Variants in NUAK2 observed in about 807,000 individuals in gnomAD.
NUAK2 encodes the protein NUAK family SNF1-like kinase 2.
Under a neutral mutation model 29.8 loss-of-function variants are expected in NUAK2, and 20 were observed. The ratio of observed to expected loss-of-function variants is 0.67; its 90% CI spans 0.47 to 0.98. The LOEUF is 0.98. Among genes scored for constraint, NUAK2 ranks in the 50% least tolerant of loss-of-function variants. The pLI is 0.00. For missense variants in NUAK2, 719 were observed against 834.5 expected (o/e 0.86, Z 1.71); for synonymous variants, 331 against 342.6 (o/e 0.97, Z 0.37).
intron 2 of NUAK2, among the ~76,000 whole-genome samples, chr1:205,310,876 C>T (rs1185904966): frequency 6.8e-6 from 1 of 147,010 alleles, no homozygotes; most frequent in African/African-American, 2.5e-5. Flanking sequence ...AAGGCTCTAC[C>T]CTTAATCTTT....
intron 1 of NUAK2, among the ~76,000 whole-genome samples, chr1:205,313,800 G>T (rs1662287403): frequency 6.6e-6 from 1 of 151,808 alleles, no homozygotes. Flanking sequence ...GAGCTGGGTG[G>T]GGGTGGGGTG....
rs141288763 is a variant in NUAK2, at chr1:205,303,484, C to T, written c.1853G>A (p.Arg618Gln). ...TDCQEVTATY[R>Q]QALRVCSKLT The stretch of plus-strand genomic sequence containing the variant: ...CTTTGAGCAGACCCTCAGTGCCTGT[C>T]GGTAGGTCGCTGTCACCTCCTGGCA... The change falls in exon 7 of 7, where the codon CGA becomes CAA. Residue 618 changes from arginine to glutamine, a missense_variant. This residue lies in a region of NUAK2 where 430 missense variants were observed against 465.7 expected (regional missense o/e 0.92). Transcript: ENST00000367157. 2.5e-5 allele frequency: 40 copies of T among 1,604,446 alleles called. No homozygotes were observed. The African/African-American group carries it at 3.3e-4, about 13-fold the overall frequency.
intron 1 of NUAK2, among the ~76,000 whole-genome samples, chr1:205,320,431 A>AT (rs1377572420): frequency 6.6e-6 from 1 of 151,422 alleles, no homozygotes; most frequent in Non-Finnish European, 1.5e-5. Context: ...CGCCCGGCTA[A>AT]TTTTTTGTAT....
In NUAK2 at chr1:205,303,750, T is replaced by TG; in HGVS notation, c.1586dup (p.Pro530ThrfsTer23). On this transcript the variant is annotated frameshift_variant, in exon 7 of 7. Transcript: ENST00000367157. LOFTEE classifies it low-confidence loss of function (END_TRUNC). ...GGCTGGCCCGGGCCAGGGGGCGAGGTGGGGCGAGTTCATCCAGGGAGCCGA... is the reference window on the plus strand; with the variant it reads ...GGCTGGCCCGGGCCAGGGGGCGAGGTGGGGGCGAGTTCATCCAGGGAGCCGA... The TG allele has an allele frequency of 6.5e-7, 1 of 1,542,622 alleles. No individual in the cohort carries two copies. Among genetic ancestry groups the TG allele is most frequent in the Non-Finnish European group, 8.7e-7 (1 of 1,145,772 alleles).
chr1:205,320,287 C>A (rs1662393334), intron 1 of NUAK2, among the ~76,000 whole-genome samples: 1 of 151,794 alleles, frequency 6.6e-6, no homozygotes, highest in African/African-American at 2.4e-5. Flanking sequence ...GTTTTTGAGA[C>A]GGAGTCTCGC....
rs774916339 is a variant in NUAK2, at chr1:205,308,809, C to T, written c.353-77G>A. On this transcript the variant is annotated intron_variant, in intron 2 of 6. Transcript: ENST00000367157. This position sits in a 1 kb window ranked among gnomAD's most constrained non-coding sequence, Gnocchi z 4.1. ...CCACTGGGGGTGACTCACTCCTCCCCGACCCCAGGCCCCAAACCAGACAGG... is the reference window on the plus strand; with the variant it reads ...CCACTGGGGGTGACTCACTCCTCCCTGACCCCAGGCCCCAAACCAGACAGG... 71 of 1,539,680 alleles carry T rather than the reference C, an allele frequency of 4.6e-5. No individual in the cohort carries two copies. The highest frequency in any genetic ancestry group is 3.4e-4 in the Middle Eastern group (2 of 5,912).
intron 5 of NUAK2, 36 bp from the exon 6 acceptor site, chr1:205,305,367 T>C (rs1057449982): frequency 6.2e-7 from 1 of 1,601,146 alleles, no homozygotes; most frequent in Non-Finnish European, 8.5e-7. Flanking sequence ...GGGATGCCCA[T>C]ACCAGACAGG....
intron 1 of NUAK2, among the ~76,000 whole-genome samples, chr1:205,314,818 G>A (rs541139720): frequency 4.6e-5 from 7 of 152,178 alleles, no homozygotes; most frequent in African/African-American, 1.7e-4. Context: ...TTGTGTACTC[G>A]CAGATACAAT....
At chr1:205,317,593 C>G (rs865924109) in intron 1 of NUAK2, among the ~76,000 whole-genome samples, 3 of 152,324 alleles carry the variant, frequency 2.0e-5, no homozygotes. Context: ...TTGCCATCCT[C>G]CAGCCCCCTC....
chr1:205,306,143 T>C (rs1234222730), intron 5 of NUAK2, 45 bp downstream of exon 5: 3 of 1,554,364 alleles, frequency 1.9e-6, no homozygotes, highest in African/African-American at 1.4e-5. Context: ...TCTAAAGTCA[T>C]AGTAAACATC....
intron 1 of NUAK2, 56 bp from the exon 2 acceptor site, chr1:205,311,881 G>A (rs1662262691): frequency 1.9e-6 from 3 of 1,607,406 alleles, no homozygotes; most frequent in South Asian, 2.2e-5. Flanking sequence ...ACACTCTGGG[G>A]GCCCTGGTCC....
intron 2 of NUAK2, among the ~76,000 whole-genome samples, chr1:205,309,557 A>T (rs1662227254): frequency 6.6e-6 from 1 of 152,118 alleles, no homozygotes; most frequent in Non-Finnish European, 1.5e-5. Flanking sequence ...TGAACTCCTG[A>T]CCATGTGATC....
intron 1 of NUAK2, 44 bp downstream of exon 1, chr1:205,321,354 C>G (rs1044246566): frequency 1.3e-6 from 2 of 1,543,100 alleles, no homozygotes; most frequent in African/African-American, 1.4e-5. Context: ...TGCCGGCGGC[C>G]AAGCCGGAGC....
intron 1 of NUAK2, among the ~76,000 whole-genome samples, chr1:205,319,953 C>A (rs28703958): frequency 0.25 from 36,921 of 149,318 alleles, 5,159 homozygotes; most frequent in East Asian, 0.55. Flanking sequence ...ACACACACAC[C>A]CCCTCACAAC....
chr1:205,321,679 G>C lies in NUAK2; in HGVS notation c.-51C>G. On this transcript the variant is annotated 5_prime_UTR_variant, in exon 1 of 7. Transcript: ENST00000367157. ...GCAGGGGAATCAGTAGGCTGTGCGG[G>C]GAGGGCTGAAGCGCGGGGCACAGGT... is the stretch of plus-strand genomic sequence containing the variant. The C allele has an allele frequency of 5.3e-6, 8 of 1,502,868 alleles. No homozygotes were observed. The highest frequency in any genetic ancestry group is 7.2e-6 in the Non-Finnish European group (8 of 1,105,566). 93.1% of individuals were successfully genotyped at this position (1,502,868 alleles called of 1,614,324 possible).
chr1:205,317,027 C>T (rs925586276), intron 1 of NUAK2, among the ~76,000 whole-genome samples: 1 of 152,154 alleles, frequency 6.6e-6, no homozygotes, highest in Non-Finnish European at 1.5e-5. Flanking sequence ...GCCTCCCATC[C>T]CTGGAGAAGG....
Position 205,304,365 on chromosome 1 carries a change from G to A in NUAK2, c.972C>T (p.Gly324=). 6.2e-7 allele frequency: 1 copy of A among 1,610,304 alleles called. No homozygotes were observed. Among genetic ancestry groups the A allele is most frequent in the East Asian group, 2.2e-5 (1 of 44,782 alleles). The part of the protein sequence containing the change: ...QEAPHEGGHP[G]SDSARASMAD... The stretch of plus-strand genomic sequence containing the variant: ...CCATGGAGGCGCGGGCAGAGTCACT[G>A]CCAGGGTGCCCACCCTCATGCGGAG... The change falls in exon 7 of 7, where the codon GGC becomes GGT. Residue 324 remains glycine (G), a synonymous_variant. Transcript: ENST00000367157. This position sits in a 1 kb window ranked among gnomAD's most constrained non-coding sequence, Gnocchi z 6.5.
rs1173999404 is a variant in NUAK2 at position 205,303,525 on chromosome 1, G to A, written c.1812C>T (p.Cys604=). ...RWRQDPLGDS[C]FSLTDCQEVT... ...CCTCCTGGCAGTCTGTCAGGGAAAA[G>A]CAGCTGTCCCCCAAAGGATCCTGCC... Residue 604 remains cysteine (C), a synonymous_variant, in exon 7 of 7, where the codon TGC becomes TGT. Transcript: ENST00000367157. 1.9e-6 allele frequency: 3 copies of A among 1,613,388 alleles called. No homozygotes were observed. Among genetic ancestry groups the A allele is most frequent in the Non-Finnish European group, 2.5e-6 (3 of 1,179,840 alleles).
chr1:205,303,417 AGCCTGACCGG>A lies in NUAK2; in HGVS notation c.*23_*32del. 6.7e-7 allele frequency: 1 copy of A among 1,502,424 alleles called. No homozygotes were observed. Among genetic ancestry groups the A allele is most frequent in the South Asian group, 1.3e-5 (1 of 74,878 alleles). 93.1% of individuals were successfully genotyped at this position (1,502,424 alleles called of 1,614,324 possible). A position where few individuals can be genotyped will look rare whatever the true frequency, so the allele number is the denominator to read the frequency against. Reference sequence around the variant, plus strand: ...CGGGGTGCAACCAGCTGCATCTGAGAGCCTGACCGGGCTGGGGCAATGCCTACTCCACTCA... The same window carrying A: ...CGGGGTGCAACCAGCTGCATCTGAGAGCTGGGGCAATGCCTACTCCACTCA... On this transcript the variant is annotated 3_prime_UTR_variant, in exon 7 of 7. Transcript: ENST00000367157.
Sources: gnomAD v4.1 joint callset for allele counts (sites outside exome capture counted in the v4.1 genomes callset) on GRCh38, gnomAD v4.1.1 for gene constraint, gnomAD v4.1.1 regional missense constraint, Gnocchi (gnomAD v3.1) non-coding constraint, MANE v1.5 for transcripts, NCBI Gene and HGNC (gene_info 2026-07-23, HGNC 2026-07-21) for gene names.